The following ANAPC5 variants were observed in gnomAD, a reference collection of about 807,000 sequenced individuals.
The protein encoded by ANAPC5 is anaphase promoting complex subunit 5, also known as anaphase-promoting complex subunit 5.
Under a neutral mutation model 91.3 loss-of-function variants are expected in ANAPC5, and 60 were observed. The ratio of observed to expected loss-of-function variants is 0.66; its 90% CI spans 0.53 to 0.81. The LOEUF (loss-of-function observed/expected upper bound fraction) is 0.81. Ranked by LOEUF, ANAPC5 falls within the 40% of genes least tolerant of loss-of-function variation. The pLI, the probability that ANAPC5 is intolerant of heterozygous loss-of-function variation, is 0.00. For missense variants in ANAPC5, 690 were observed against 931.5 expected, an observed-to-expected ratio of 0.74 and a Z score of 3.37; for synonymous variants, 340 against 364.1, an observed-to-expected ratio of 0.93 and a Z score of 0.75.
upstream of ANAPC5, among the ~76,000 whole-genome samples, chr12:121,354,015 G>A (rs2136832924): frequency 7.0e-6 from 1 of 143,876 alleles, no homozygotes. Flanking sequence ...CCGATACGGA[G>A]TCTTGCTCTG....
chr12:121,309,888 G>A, intron 15 of ANAPC5, 25 bp from the exon 16 acceptor site: 1 of 1,582,946 alleles, frequency 6.3e-7, no homozygotes, highest in Non-Finnish European at 8.6e-7. Flanking sequence ...TCATGGCACT[G>A]TACATACCCA....
At chr12:121,352,682 C>T (rs973327058), upstream of ANAPC5, among the ~76,000 whole-genome samples, 3 of 36,590 alleles carry the variant, frequency 8.2e-5, no homozygotes, top group Non-Finnish European at 3.5e-4. Context: ...GACTGAGGAG[C>T]TCCCAAAGTG....
rs576641125 is a variant in ANAPC5, at chr12:121,340,245, G to A, written c.657+1758C>T. On this transcript the variant is annotated intron_variant, in intron 5 of 16. Coordinates refer to ENST00000261819, the MANE Select transcript of ANAPC5 (RefSeq NM_016237.5). Reference sequence around the variant, plus strand: ...AGGCAGGAGAATCGCTTGAACCCGGGAGGCAGAGGTTGCAGTGAGCTGAGA... The same window carrying A: ...AGGCAGGAGAATCGCTTGAACCCGGAAGGCAGAGGTTGCAGTGAGCTGAGA... 3.4e-5 allele frequency among the ~76,000 whole-genome samples: 5 copies of A among 149,152 alleles called. No homozygotes were observed. The East Asian group carries it at 1.0e-3, about 31-fold the overall frequency.
At chr12:121,353,736 G>A (rs1174337769), upstream of ANAPC5, among the ~76,000 whole-genome samples, 2 of 152,012 alleles carry the variant, frequency 1.3e-5, no homozygotes, top group East Asian at 3.9e-4. Context: ...CACCGCGCCC[G>A]GCCTGCCTTG....
rs540442646 is a variant in ANAPC5 at position 121,351,614 on chromosome 12, C to A, written c.207+520G>T. 4.6e-5 allele frequency among the ~76,000 whole-genome samples: 7 copies of A among 152,008 alleles called. No individual in the cohort carries two copies. In the South Asian group the frequency reaches 1.5e-3, roughly 32 times the overall value. ...CTGAAATTACAGGTGCCCGCCACCA[C>A]GTCCAGCTAATTTTTTGTGTTTTTA... On this transcript the variant is annotated intron_variant, in intron 1 of 16. Transcript: ENST00000261819.
At position 121,337,277 on chromosome 12, in the gene ANAPC5, T is replaced by C; in HGVS notation, c.759+14A>G. ...TCCTTTCCAACACAGCAACAAATTCTGGGAAAGACTTACCGCTTCAGCAAA... is the reference window on the plus strand; with the variant it reads ...TCCTTTCCAACACAGCAACAAATTCCGGGAAAGACTTACCGCTTCAGCAAA... On this transcript the variant is annotated intron_variant, in intron 6 of 16. Transcript: ENST00000261819. 6.2e-7 allele frequency: 1 copy of C among 1,601,304 alleles called. No individual in the cohort carries two copies. The highest frequency in any genetic ancestry group is 8.5e-7 in the Non-Finnish European group (1 of 1,170,606).
At chr12:121,315,683 A>G (rs746190770) in intron 15 of ANAPC5, among the ~76,000 whole-genome samples, 8 of 152,218 alleles carry the variant, frequency 5.3e-5, no homozygotes, top group Non-Finnish European at 1.0e-4. Flanking sequence ...TAACAGGGGT[A>G]CCAAAACCAT....
intron 1 of ANAPC5, among the ~76,000 whole-genome samples, 187 bp downstream of exon 1, chr12:121,351,947 G>A (rs1903907580): frequency 6.6e-6 from 1 of 151,814 alleles, no homozygotes. Context: ...TGCATGTAAA[G>A]CGCCTGGCCC....
intron 6 of ANAPC5, 84 bp from the exon 7 acceptor site, chr12:121,335,807 A>AACACTAGGGTATGGGAT: frequency 8.7e-7 from 1 of 1,152,098 alleles, no homozygotes; most frequent in Non-Finnish European, 1.2e-6. Context: ...ACTGTCTACA[A>AACACTAGGGTATGGGAT]ACACTAGTGT....
Position 121,331,447 on chromosome 12 carries a change from T to C in ANAPC5, c.951-19A>G, listed in dbSNP as rs1555272901. ...CTGTTGACTAATGACAGACTAAACA[T>C]TAATATCCCATTAATAATCACAAAC... On this transcript the variant is annotated intron_variant, in intron 7 of 16. Transcript: ENST00000261819. 1.3e-6 allele frequency: 2 copies of C among 1,589,700 alleles called. No homozygotes were observed. Among genetic ancestry groups the C allele is most frequent in the Admixed American group, 1.7e-5 (1 of 59,730 alleles).
In ANAPC5 at chr12:121,320,394, C is replaced by T; in HGVS notation, c.1506G>A (p.Gln502=). The T allele has an allele frequency of 6.2e-7, 1 of 1,613,476 alleles. No homozygotes were observed. The highest frequency in any genetic ancestry group is 8.5e-7 in the Non-Finnish European group (1 of 1,179,544). ...HLKERFPPNS[Q]HAQLWMLCDQ... ...GCAAAAGGCAGATTACCTGGGCGTG[C>T]TGACTATTAGGCGGAAATCGTTCCT... Residue 502 remains glutamine (Q), a synonymous_variant, in exon 12 of 17, where the codon CAG becomes CAA. Transcript: ENST00000261819.
intron 7 of ANAPC5, chr12:121,332,174 G>A (rs1357873306): frequency 1.3e-5 from 2 of 152,176 alleles, no homozygotes; most frequent in African/African-American, 4.8e-5. Flanking sequence ...TGTTCCCCAG[G>A]CTGGTCTCCA....
At chr12:121,327,412 G>C (rs1902862067) in intron 10 of ANAPC5, 181 bp from the exon 11 acceptor site, 2 of 686,398 alleles carry the variant, frequency 2.9e-6, no homozygotes, top group Non-Finnish European at 4.7e-6. Context: ...AGGCAGAAAA[G>C]CATCCTGGAT....
Position 121,330,620 on chromosome 12 carries a change from T to A in ANAPC5, c.1085A>T (p.Glu362Val), listed in dbSNP as rs1555272786. The A allele has an allele frequency of 6.2e-7, 1 of 1,614,092 alleles. No homozygotes were observed. Among genetic ancestry groups the A allele is most frequent in the Non-Finnish European group, 8.5e-7 (1 of 1,179,990 alleles). ...QKRSDSYVLL[E>V]HSVKKAVHFG... ...ATGTACTGCCTTCTTCACAGAATGC[T>A]CCAGCAGAACATAGCTATCGGATCT... Residue 362 changes from glutamate to valine, a missense_variant, in exon 9 of 17, where the codon GAG (glutamate) becomes GTG (valine). Glu to Val is a moderately radical substitution (Grantham distance 121). Transcript: ENST00000261819.
chr12:121,318,689 T>C, intron 13 of ANAPC5, 81 bp from the exon 14 acceptor site: 2 of 1,252,550 alleles, frequency 1.6e-6, no homozygotes, highest in South Asian at 1.3e-5. Flanking sequence ...AATTGCGCTA[T>C]AAACCTCCCA....
At chr12:121,352,439 A>G, upstream of ANAPC5, 1 of 961,972 alleles carries the variant, frequency 1.0e-6, no homozygotes, top group East Asian at 2.5e-5. Context: ...CGCCCTCACA[A>G]TATCCCAGGA....
chr12:121,332,424 A>G (rs1247867368), intron 7 of ANAPC5: 1 of 152,232 alleles, frequency 6.6e-6, no homozygotes, highest in Non-Finnish European at 1.5e-5. Context: ...AGTGACCTGT[A>G]TATGTATCTG....
chr12:121,344,905 G>C (rs7955965), intron 4 of ANAPC5, among the ~76,000 whole-genome samples: 2,460 of 152,282 alleles, frequency 0.016, 67 homozygotes, highest in African/African-American at 0.057. Context: ...AGTTCCAAAG[G>C]GTTTAGGCAG....
At chr12:121,314,890 G>C (rs536868037) in intron 15 of ANAPC5, among the ~76,000 whole-genome samples, 1 of 152,088 alleles carries the variant, frequency 6.6e-6, no homozygotes, top group Admixed American at 6.6e-5. Context: ...GCCTCAAAAA[G>C]TGCTGGGATT....
Sources: allele counts gnomAD v4.1 joint callset (sites outside exome capture counted in the v4.1 genomes callset), GRCh38; gene constraint gnomAD v4.1.1; transcripts MANE v1.5; gene names NCBI Gene and HGNC (gene_info 2026-07-23, HGNC 2026-07-21).